Variants in LRP1B observed in about 807,000 individuals in gnomAD.
LRP1B encodes low-density lipoprotein receptor-related protein 1B.
A neutral mutation model predicts 556.6 loss-of-function variants in LRP1B; 217 were observed. The ratio of observed to expected loss-of-function variants is 0.39; its 90% confidence interval spans 0.35 to 0.44. LRP1B has a LOEUF of 0.44. Among genes scored for constraint, LRP1B ranks in the 20% least tolerant of loss-of-function variants. The pLI is 1.00. For missense variants in LRP1B, 5,053 were observed against 5,620.8 expected (o/e 0.90, Z 3.23); for synonymous variants, 2,047 against 1,865.8 (o/e 1.10, Z -2.50).
intron 13 of LRP1B, among the ~76,000 whole-genome samples, chr2:141,014,644 A>G (rs1697851460): frequency 1.3e-5 from 2 of 152,086 alleles, no homozygotes; most frequent in African/African-American, 4.8e-5. Context: ...AATTCTTCTC[A>G]CCAAATTATC....
At chr2:141,114,076 C>A (rs1416733693) in intron 7 of LRP1B, among the ~76,000 whole-genome samples, 1 of 152,164 alleles carries the variant, frequency 6.6e-6, no homozygotes, top group Non-Finnish European at 1.5e-5. Context: ...ATTCACTGAC[C>A]CCCTCACAGG....
chr2:141,328,763 A>G (rs969022828), intron 3 of LRP1B, among the ~76,000 whole-genome samples: 3 of 152,172 alleles, frequency 2.0e-5, no homozygotes, highest in Admixed American at 6.5e-5. Context: ...GGCCATTACT[A>G]CATCATGAAT....
intron 32 of LRP1B, among the ~76,000 whole-genome samples, chr2:140,809,328 C>T (rs944120619): frequency 2.0e-5 from 3 of 152,010 alleles, no homozygotes; most frequent in African/African-American, 7.3e-5. Context: ...TCTTCCTTCT[C>T]CTCAAAAATA....
At chr2:142,099,133 C>T (rs1380780149) in intron 1 of LRP1B, among the ~76,000 whole-genome samples, 1 of 151,834 alleles carries the variant, frequency 6.6e-6, no homozygotes, top group East Asian at 1.9e-4. Context: ...TACACTTCAT[C>T]TAATCTTCTG....
intron 4 of LRP1B, among the ~76,000 whole-genome samples, chr2:141,252,502 G>A (rs902438186): frequency 6.6e-6 from 1 of 152,146 alleles, no homozygotes; most frequent in Admixed American, 6.6e-5. Flanking sequence ...AGCGTTTGGA[G>A]CTAAGTCTAC....
At chr2:141,105,114 T>C (rs3903374) in intron 7 of LRP1B, among the ~76,000 whole-genome samples, 54,783 of 151,896 alleles carry the variant, frequency 0.36, 10,380 homozygotes, top group East Asian at 0.66. Flanking sequence ...ACCATCAAAG[T>C]CTGCATTTAT....
chr2:140,577,461 A>G (rs920826450), intron 43 of LRP1B, among the ~76,000 whole-genome samples: 1 of 151,590 alleles, frequency 6.6e-6, no homozygotes, highest in Admixed American at 6.6e-5. Flanking sequence ...CTGTCACCCA[A>G]GCAGGAGTGC....
intron 68 of LRP1B, among the ~76,000 whole-genome samples, chr2:140,375,913 A>G (rs1396651532): frequency 6.6e-6 from 1 of 152,118 alleles, no homozygotes; most frequent in Non-Finnish European, 1.5e-5. Context: ...TAATCATATT[A>G]TCAGTTCCAT....
rs869167644 is a variant in LRP1B, at chr2:140,804,649, ATTTTTTTTTTTTT to A, written c.5359+8995_5359+9007del. 2.2e-3 allele frequency among the ~76,000 whole-genome samples: 128 copies of A among 57,948 alleles called. 1 individual carries two copies. The highest frequency in any genetic ancestry group is 6.7e-3 in the African/African-American group (119 of 17,804). The allele number at this position is 57,948 out of a possible 152,430, so 38.0% of individuals were successfully genotyped here. A position where few individuals can be genotyped will look rare whatever the true frequency, so the allele number is the denominator to read the frequency against. On this transcript the variant is annotated intron_variant, in intron 32 of 90. Coordinates refer to ENST00000389484, the MANE Select transcript of LRP1B (RefSeq NM_018557.3). The stretch of plus-strand genomic sequence containing the variant: ...TAAGAGTTAGTGTAGGTAAAAACTA[ATTTTTTTTTTTTT>A]TTTTTTTTTTTTTTTGCCATTAGCT...
chr2:141,997,392 C>CATATAT (rs554147887), intron 1 of LRP1B, among the ~76,000 whole-genome samples: 2 of 134,168 alleles, frequency 1.5e-5, no homozygotes, highest in African/African-American at 2.6e-5. Context: ...TGTGTGTGTA[C>CATATAT]ATATATATAT....
chr2:141,246,705 C>T (rs1048778679), intron 5 of LRP1B, among the ~76,000 whole-genome samples: 3 of 152,170 alleles, frequency 2.0e-5, no homozygotes, highest in Admixed American at 1.3e-4. Flanking sequence ...CGGCTCATGC[C>T]TATAATCCCA....
chr2:141,120,008 A>G (rs1387011456), intron 7 of LRP1B, among the ~76,000 whole-genome samples: 1 of 151,934 alleles, frequency 6.6e-6, no homozygotes, highest in African/African-American at 2.4e-5. Context: ...TTATTTTTAA[A>G]TAAAAGCTGG....
At chr2:142,020,523 G>A (rs1703296047) in intron 1 of LRP1B, among the ~76,000 whole-genome samples, 1 of 152,126 alleles carries the variant, frequency 6.6e-6, no homozygotes, top group African/African-American at 2.4e-5. Context: ...GAATAAAACA[G>A]TGACCACGAA....
At chr2:140,418,438 C>T (rs544600820) in intron 66 of LRP1B, among the ~76,000 whole-genome samples, 1 of 152,262 alleles carries the variant, frequency 6.6e-6, no homozygotes, top group Non-Finnish European at 1.5e-5. Context: ...CTTGAGATCA[C>T]AAATGACGGT....
intron 2 of LRP1B, among the ~76,000 whole-genome samples, chr2:141,705,622 T>C (rs1306510069): frequency 6.6e-6 from 1 of 152,040 alleles, no homozygotes; most frequent in African/African-American, 2.4e-5. Flanking sequence ...AACTAAAAAT[T>C]GTAACTACCA....
At chr2:142,063,087 C>T (rs576985581) in intron 1 of LRP1B, among the ~76,000 whole-genome samples, 3 of 146,932 alleles carry the variant, frequency 2.0e-5, no homozygotes, top group South Asian at 2.1e-4. Context: ...TTTAAAAACA[C>T]TAACAGTACC....
intron 2 of LRP1B, 106 bp from the exon 3 acceptor site, chr2:141,480,639 A>G (rs2105090862): frequency 9.2e-7 from 1 of 1,090,552 alleles, no homozygotes. Context: ...AAAACTATAG[A>G]AAATACTGTA....
At chr2:141,640,800 T>C (rs1212176039) in intron 2 of LRP1B, among the ~76,000 whole-genome samples, 1 of 42,226 alleles carries the variant, frequency 2.4e-5, no homozygotes, top group African/African-American at 1.0e-4. Context: ...TCTCAGCAAA[T>C]AAAAATAAGA....
At chr2:140,700,102 G>T in intron 41 of LRP1B, 148 bp downstream of exon 41, 1 of 660,530 alleles carries the variant, frequency 1.5e-6, no homozygotes, top group Non-Finnish European at 2.5e-6. Flanking sequence ...GGGGGGTGGG[G>T]GGTGAGGGTT....
Sources: allele counts gnomAD v4.1 joint callset (sites outside exome capture counted in the v4.1 genomes callset), GRCh38; gene constraint gnomAD v4.1.1; transcripts MANE v1.5; gene names NCBI Gene and HGNC (gene_info 2026-07-23, HGNC 2026-07-21).